Variants in FAM120AOS observed in about 807,000 individuals in gnomAD.
FAM120AOS encodes family with sequence similarity 120 member A opposite strand.
Under a neutral mutation model 20.2 loss-of-function variants are expected in FAM120AOS, and 15 were observed. The observed-to-expected ratio is 0.74, with a 90% CI of 0.50 to 1.15. The LOEUF (loss-of-function observed/expected upper bound fraction) is 1.15. Among genes scored for constraint, FAM120AOS ranks in the 50% most tolerant of loss-of-function variants. FAM120AOS has a pLI of 0.00. For missense variants in FAM120AOS, 327 were observed against 351.9 expected (o/e 0.93, Z 0.57); for synonymous variants, 154 against 154.0 (o/e 1.00, Z 0.00).
Position 93,453,134 on chromosome 9 carries a change from A to T in FAM120AOS, c.-425T>A, listed in dbSNP as rs542314195. On this transcript the variant is annotated 5_prime_UTR_variant, in exon 1 of 3. An upstream start codon of the reference 5' UTR is lost. Coordinates refer to ENST00000375412, the MANE Select transcript of FAM120AOS (RefSeq NM_198841.4). ...AAGGCAGTTCGGTTTTGTAGATCCCATGCGAAAGGAGTCGCTCAAAATCAG... is the reference window on the plus strand; with the variant it reads ...AAGGCAGTTCGGTTTTGTAGATCCCTTGCGAAAGGAGTCGCTCAAAATCAG... 5.1e-5 allele frequency: 51 copies of T among 1,004,428 alleles called. No homozygotes were observed. In the South Asian group the frequency reaches 1.8e-3, roughly 36 times the overall value. The allele number at this position is 1,004,428 out of a possible 1,614,324, so 62.2% of individuals were successfully genotyped here.
rs544670498 is a variant in FAM120AOS at position 93,452,438 on chromosome 9, C to A, written c.272G>T (p.Gly91Val). The A allele has an allele frequency of 1.3e-6, 2 of 1,563,120 alleles. No homozygotes were observed. Among genetic ancestry groups the A allele is most frequent in the South Asian group, 2.3e-5 (2 of 86,546 alleles). The change falls in exon 1 of 3, where the codon GGG becomes GTG. Residue 91 changes from glycine (G) to valine (V), a missense_variant. Gly to Val is a moderately radical substitution (Grantham distance 109). This residue lies in a region of FAM120AOS where 155 missense variants were observed against 128.8 expected (regional missense o/e 1.20). Transcript: ENST00000375412. This position sits in a 1 kb window ranked among gnomAD's most constrained non-coding sequence, Gnocchi z 7.0. ...ATFCALGRGI[G>V]VRRGPGPRPA... ...CCGGGGACCGGGGCCGCGCCGCACC[C>A]CTATCCCCCTTCCCAGGGCGCAGAA...
At position 93,443,743 on chromosome 9, in the gene FAM120AOS, T is replaced by A. The variant is rs1199937365; in HGVS notation, c.*3868A>T. Among the ~76,000 whole-genome samples, 1 of 152,182 alleles carries A rather than the reference T, an allele frequency of 6.6e-6. No individual in the cohort carries two copies. The highest frequency in any genetic ancestry group is 1.9e-4 in the East Asian group (1 of 5,192). On this transcript the variant is annotated 3_prime_UTR_variant, in exon 3 of 3. Coordinates refer to ENST00000375412, the MANE Select transcript of FAM120AOS (RefSeq NM_198841.4). ...TGGGCTGAGCACGGAATTCAGCTCA[T>A]GTACAGAATTAGAGAATCCTCTTTT... is the stretch of plus-strand genomic sequence containing the variant.
Position 93,452,585 on chromosome 9 carries a change from C to G in FAM120AOS, c.125G>C (p.Arg42Pro), listed in dbSNP as rs1469817589. The G allele has an allele frequency of 8.1e-6, 13 of 1,597,120 alleles. No individual in the cohort carries two copies. Among genetic ancestry groups the G allele is most frequent in the South Asian group, 2.2e-5 (2 of 90,888 alleles). ...GTGCAGGCCGCGCGCTGCCCAAGCC[C>G]GTCTCCAGCTGTCCCTGTTCGGGGT... ...PRTPNRDSWR[R>P]AWAARGLHPR... Residue 42 changes from arginine (R) to proline (P), a missense_variant, in exon 1 of 3, where the codon CGG becomes CCG. By Grantham distance (103) the Arg-to-Pro change is moderately radical. Around this residue, in one of 3 missense-constraint regions of FAM120AOS, gnomAD observed 155 missense variants for 128.8 expected, o/e 1.20. Transcript: ENST00000375412. The surrounding 1 kb of genome is among the most constrained non-coding windows in gnomAD (Gnocchi z 7.0).
At chr9:93,451,759 A>T in intron 1 of FAM120AOS, 1 of 977,490 alleles carries the variant, frequency 1.0e-6, no homozygotes, top group Non-Finnish European at 1.2e-6. Flanking sequence ...GCGGCAGCAC[A>T]TGGCGGCCGC....
At chr9:93,451,012 A>G (rs1267310098) in intron 1 of FAM120AOS, 1 of 1,544,224 alleles carries the variant, frequency 6.5e-7, no homozygotes, top group African/African-American at 1.4e-5. Flanking sequence ...TTCAGACATT[A>G]TGGTGTGTTT....
chr9:93,447,492 A>T lies in FAM120AOS; in HGVS notation c.*119T>A, dbSNP rs1856891718. ...TTAAAACACCCTCCAATATAGAGAG[A>T]ACTCTGAAACCAGAAGCAGAAGCTG... On this transcript the variant is annotated 3_prime_UTR_variant, in exon 3 of 3. Coordinates refer to ENST00000375412, the MANE Select transcript of FAM120AOS (RefSeq NM_198841.4). The T allele has an allele frequency of 1.1e-6, 1 of 908,794 alleles. No individual in the cohort carries two copies. 56.3% of individuals were successfully genotyped at this position (908,794 alleles called of 1,614,324 possible). A position where few individuals can be genotyped will look rare whatever the true frequency, so the allele number is the denominator to read the frequency against.
chr9:93,447,700 G>T lies in FAM120AOS; in HGVS notation c.685-3C>A. The T allele has an allele frequency of 6.3e-7, 1 of 1,585,834 alleles. No homozygotes were observed. The highest frequency in any genetic ancestry group is 1.1e-5 in the South Asian group (1 of 87,360). On this transcript the variant is annotated splice_region_variant and splice_polypyrimidine_tract_variant and intron_variant, in intron 2 of 2. Transcript: ENST00000375412. ...TTGACAGAACAGCTTCTGGAAATCT[G>T]AAAAGAAAAAAAAAAAGGTAGTTTA...
chr9:93,447,687 C>T lies in FAM120AOS; in HGVS notation c.695G>A (p.Ser232Asn), dbSNP rs570399821. Reference protein sequence around the residue: ...PILPVKKISRSCSVNNKVSKK... With the variant: ...PILPVKKISRNCSVNNKVSKK... Reference sequence around the variant, plus strand: ...TGAGACTTTGTTATTGACAGAACAGCTTCTGGAAATCTGAAAAGAAAAAAA... The same window carrying T: ...TGAGACTTTGTTATTGACAGAACAGTTTCTGGAAATCTGAAAAGAAAAAAA... The change falls in exon 3 of 3, where the codon AGC becomes AAC. Residue 232 changes from serine to asparagine, a missense_variant. Physicochemically the swap from Ser to Asn is conservative, Grantham distance 46. Around this residue, in one of 3 missense-constraint regions of FAM120AOS, gnomAD observed 86 missense variants for 82.9 expected, o/e 1.04. Coordinates refer to ENST00000375412, the MANE Select transcript of FAM120AOS (RefSeq NM_198841.4). 8.1e-6 allele frequency: 13 copies of T among 1,609,844 alleles called. No individual in the cohort carries two copies. The South Asian group carries it at 1.3e-4, about 16-fold the overall frequency.
Position 93,447,692 on chromosome 9 carries a change from G to C in FAM120AOS, c.690C>G (p.Ser230=). Residue 230 remains serine, a synonymous_variant, in exon 3 of 3, where the codon TCC becomes TCG. Transcript: ENST00000375412. ...EAPILPVKKI[S]RSCSVNNKVS... ...CTTTGTTATTGACAGAACAGCTTCT[G>C]GAAATCTGAAAAGAAAAAAAAAAAG... 6.2e-7 allele frequency: 1 copy of C among 1,607,472 alleles called. No individual in the cohort carries two copies. The highest frequency in any genetic ancestry group is 8.5e-7 in the Non-Finnish European group (1 of 1,176,954).
chr9:93,451,139 G>A lies in FAM120AOS; in HGVS notation c.564-540C>T, dbSNP rs1857152647. ...CCTTCCTGCTCTTTCCAAGAAGCCA[G>A]GCGCGGCCGGCCAGCATCCCGCTCT... On this transcript the variant is annotated intron_variant, in intron 1 of 2. Coordinates refer to ENST00000375412, the MANE Select transcript of FAM120AOS (RefSeq NM_198841.4). 7 of 1,550,474 alleles carry A rather than the reference G, an allele frequency of 4.5e-6. No homozygotes were observed. The East Asian group carries it at 1.5e-4, about 32-fold the overall frequency.
At position 93,446,709 on chromosome 9, in the gene FAM120AOS, C is replaced by A. The variant is rs1233568931; in HGVS notation, c.*902G>T. 1 of 152,132 alleles carries A rather than the reference C, an allele frequency of 6.6e-6. No homozygotes were observed. The highest frequency in any genetic ancestry group is 1.5e-5 in the Non-Finnish European group (1 of 68,038). 9.4% of individuals were successfully genotyped at this position (152,132 alleles called of 1,614,324 possible). On this transcript the variant is annotated 3_prime_UTR_variant, in exon 3 of 3. Coordinates refer to ENST00000375412, the MANE Select transcript of FAM120AOS (RefSeq NM_198841.4). ...TGCTTGAGAAGCCTCTTGGAGTTGCCTAGAGAGTCTATAGCACTCATCTGA... is the reference window on the plus strand; with the variant it reads ...TGCTTGAGAAGCCTCTTGGAGTTGCATAGAGAGTCTATAGCACTCATCTGA...
At chr9:93,451,688 G>T (rs1158396447) in intron 1 of FAM120AOS, 2 of 977,158 alleles carry the variant, frequency 2.0e-6, no homozygotes, top group South Asian at 9.2e-5. Flanking sequence ...CCTCGGCCTC[G>T]GCCTCGCAGC....
chr9:93,451,364 C>G lies in FAM120AOS; in HGVS notation c.564-765G>C, dbSNP rs560441220. On this transcript the variant is annotated intron_variant, in intron 1 of 2. Coordinates refer to ENST00000375412, the MANE Select transcript of FAM120AOS (RefSeq NM_198841.4). Reference sequence around the variant, plus strand: ...CGGCTTCCCTTCGCCCGAGAACCACCGGGCGGAGGCGGCGGCCTCTCTGGC... The same window carrying G: ...CGGCTTCCCTTCGCCCGAGAACCACGGGGCGGAGGCGGCGGCCTCTCTGGC... The G allele has an allele frequency of 1.8e-3, 2,623 of 1,418,742 alleles. 6 individuals are homozygous for G. Among genetic ancestry groups the G allele is most frequent in the Non-Finnish European group, 2.2e-3 (2,347 of 1,086,892 alleles). The allele number at this position is 1,418,742 out of a possible 1,614,324, so 87.9% of individuals were successfully genotyped here.
intron 2 of FAM120AOS, among the ~76,000 whole-genome samples, chr9:93,449,732 C>T (rs1246125471): frequency 2.6e-5 from 4 of 152,102 alleles, no homozygotes; most frequent in Admixed American, 2.0e-4. Flanking sequence ...GTGATCTGCC[C>T]GCCTCGGCCT....
At chr9:93,448,192 A>C (rs1429472811) in intron 2 of FAM120AOS, among the ~76,000 whole-genome samples, 1 of 152,162 alleles carries the variant, frequency 6.6e-6, no homozygotes. Flanking sequence ...ACCTAAGTAA[A>C]ATATTAATTA....
In FAM120AOS at chr9:93,443,835, C is replaced by A. The variant is rs900944657; in HGVS notation, c.*3776G>T. ...ACCCAGGGGGCCCCTTTTCCTCATC[C>A]TCTGGCTTAGAAAGATGGGCTTTCT... On this transcript the variant is annotated 3_prime_UTR_variant, in exon 3 of 3. Transcript: ENST00000375412. Among the ~76,000 whole-genome samples, 3 of 152,148 alleles carry A rather than the reference C, an allele frequency of 2.0e-5. No individual in the cohort carries two copies. Among genetic ancestry groups the A allele is most frequent in the Non-Finnish European group, 4.4e-5 (3 of 68,030 alleles).
At chr9:93,451,975 G>C (rs1339231003) in intron 1 of FAM120AOS, 172 bp downstream of exon 1, 3 of 1,543,074 alleles carry the variant, frequency 1.9e-6, no homozygotes, top group South Asian at 1.2e-5. Context: ...CCGTGGTGCC[G>C]GTGGAGCTGC....
chr9:93,445,868 A>T lies in FAM120AOS; in HGVS notation c.*1743T>A, dbSNP rs1856832676. 6.6e-6 allele frequency among the ~76,000 whole-genome samples: 1 copy of T among 152,168 alleles called. No homozygotes were observed. ...TGTAACTGATTTTAAAATATTATAT[A>T]GTGCTTCCTAGTTTAACCAAACTGG... On this transcript the variant is annotated 3_prime_UTR_variant, in exon 3 of 3. Transcript: ENST00000375412.
At position 93,444,786 on chromosome 9, in the gene FAM120AOS, G is replaced by C. The variant is rs60847685; in HGVS notation, c.*2825C>G. On this transcript the variant is annotated 3_prime_UTR_variant, in exon 3 of 3. Transcript: ENST00000375412. ...TGTGCCACCACGCCTAGCTGATTTTGTATTTTTAGTAGAGACAGGGTTTCT... is the reference window on the plus strand; with the variant it reads ...TGTGCCACCACGCCTAGCTGATTTTCTATTTTTAGTAGAGACAGGGTTTCT... Among the ~76,000 whole-genome samples, 1 of 152,076 alleles carries C rather than the reference G, an allele frequency of 6.6e-6. No individual in the cohort carries two copies. Among genetic ancestry groups the C allele is most frequent in the South Asian group, 2.1e-4 (1 of 4,806 alleles).
Sources: gnomAD v4.1 joint callset for allele counts (sites outside exome capture counted in the v4.1 genomes callset) on GRCh38, gnomAD v4.1.1 for gene constraint, gnomAD v4.1.1 regional missense constraint, Gnocchi (gnomAD v3.1) non-coding constraint, MANE v1.5 for transcripts, NCBI Gene and HGNC (gene_info 2026-07-23, HGNC 2026-07-21) for gene names.